Variants in SAMD12 observed in about 807,000 individuals in gnomAD.
SAMD12 encodes the protein sterile alpha motif domain-containing protein 12.
A neutral mutation model predicts 15.0 loss-of-function variants in SAMD12; 9 were observed. That is an observed-to-expected ratio of 0.60 (90% CI 0.36 to 1.05). The LOEUF (loss-of-function observed/expected upper bound fraction) is 1.05, where lower values mean the gene tolerates loss of function less well. SAMD12 is among the 50% of genes least tolerant of loss of function. SAMD12 has a pLI of 0.01. For missense variants in SAMD12, 230 were observed against 234.2 expected (o/e 0.98, Z 0.12); for synonymous variants, 86 against 90.1 (o/e 0.96, Z 0.25).
intron 1 of SAMD12, among the ~76,000 whole-genome samples, chr8:118,597,516 T>A (rs1294522681): frequency 6.6e-6 from 1 of 152,154 alleles, no homozygotes; most frequent in Non-Finnish European, 1.5e-5. Flanking sequence ...GAGAAAAGCA[T>A]CCCAAGCTAG....
intron 4 of SAMD12, among the ~76,000 whole-genome samples, chr8:118,340,588 G>T (rs1358412513): frequency 2.6e-5 from 4 of 152,158 alleles, no homozygotes; most frequent in Non-Finnish European, 5.9e-5. Context: ...GGCCAATATG[G>T]CGAAACCCTG....
chr8:118,153,136 C>T, the SAMD12 span, among the ~76,000 whole-genome samples: 5,840 of 152,242 alleles, frequency 0.038, 363 homozygotes, highest in African/African-American at 0.13. Flanking sequence ...AACAAAACAT[C>T]CCACAACTCA....
At chr8:118,593,814 T>C (rs1200785579) in intron 1 of SAMD12, among the ~76,000 whole-genome samples, 1 of 152,196 alleles carries the variant, frequency 6.6e-6, no homozygotes, top group Non-Finnish European at 1.5e-5. Context: ...TTGTTTGTAA[T>C]GATCTAAGTA....
chr8:118,170,267 A>T, the SAMD12 span, among the ~76,000 whole-genome samples: 2 of 152,170 alleles, frequency 1.3e-5, no homozygotes, highest in East Asian at 3.8e-4. Flanking sequence ...TTCCAGGCCC[A>T]ATATGTATTA....
chr8:118,243,540 A>T (rs2129979017), intron 4 of SAMD12, among the ~76,000 whole-genome samples: 1 of 152,222 alleles, frequency 6.6e-6, no homozygotes, highest in East Asian at 1.9e-4. Flanking sequence ...AAATATTAAC[A>T]GTTGTTATTT....
chr8:118,560,822 TAGAGG>T (rs2131209893), intron 2 of SAMD12, among the ~76,000 whole-genome samples: 2 of 152,080 alleles, frequency 1.3e-5, no homozygotes, highest in East Asian at 1.9e-4. Context: ...GCAAACACAA[TAGAGG>T]AAAGACTGCA....
chr8:118,190,129 G>A (rs1426256080), exon 5 of SAMD12: 1 of 152,090 alleles, frequency 6.6e-6, no homozygotes, highest in African/African-American at 2.4e-5. Flanking sequence ...GTTCTGACAT[G>A]TGCTTTTTAG....
chr8:118,241,319 T>A (rs1812558349), intron 4 of SAMD12, among the ~76,000 whole-genome samples: 1 of 152,136 alleles, frequency 6.6e-6, no homozygotes, highest in Non-Finnish European at 1.5e-5. Context: ...ATAAATTATC[T>A]GTACTCATCA....
chr8:118,239,027 G>A (rs1320666375), intron 4 of SAMD12, among the ~76,000 whole-genome samples: 3 of 152,064 alleles, frequency 2.0e-5, no homozygotes, highest in Non-Finnish European at 4.4e-5. Flanking sequence ...TACCTGAAGT[G>A]GAAAAGAAAT....
chr8:118,516,169 T>G (rs1486162985), intron 2 of SAMD12, among the ~76,000 whole-genome samples: 1 of 152,238 alleles, frequency 6.6e-6, no homozygotes, highest in Non-Finnish European at 1.5e-5. Context: ...TCCTGTTGGA[T>G]CTTTTATTTT....
chr8:118,473,975 T>A (rs1197632872), intron 2 of SAMD12, among the ~76,000 whole-genome samples: 1 of 152,238 alleles, frequency 6.6e-6, no homozygotes, highest in East Asian at 1.9e-4. Context: ...TGTTTGTTTT[T>A]TGAGATGCAG....
chr8:118,222,503 CTTTTTA>C (rs997718511), intron 4 of SAMD12, among the ~76,000 whole-genome samples: 3 of 152,086 alleles, frequency 2.0e-5, no homozygotes, highest in South Asian at 2.1e-4. Flanking sequence ...TGAGGAAGTG[CTTTTTA>C]TTTTTATCTT....
At chr8:118,174,923 G>A in the SAMD12 span, among the ~76,000 whole-genome samples, 2 of 149,882 alleles carry the variant, frequency 1.3e-5, no homozygotes, top group East Asian at 4.0e-4. Flanking sequence ...AAATATCATG[G>A]AATTTTATCT....
intron 2 of SAMD12, among the ~76,000 whole-genome samples, chr8:118,534,711 A>T (rs1252875515): frequency 6.6e-6 from 1 of 152,130 alleles, no homozygotes; most frequent in Non-Finnish European, 1.5e-5. Context: ...AATCACTGAT[A>T]CCCTGTCTTC....
At chr8:118,260,430 G>GATTATTAAATACTATA (rs1586395172) in intron 4 of SAMD12, among the ~76,000 whole-genome samples, 1 of 152,132 alleles carries the variant, frequency 6.6e-6, no homozygotes, top group East Asian at 1.9e-4. Flanking sequence ...TAATTACTAT[G>GATTATTAAATACTATA]GATTATTAAA....
At chr8:118,388,124 T>A (rs1820062657) in intron 3 of SAMD12, among the ~76,000 whole-genome samples, 1 of 152,174 alleles carries the variant, frequency 6.6e-6, no homozygotes, top group Non-Finnish European at 1.5e-5. Flanking sequence ...AGGAAGAGCA[T>A]TCAAGGCACA....
At chr8:118,251,136 GA>G (rs1444724930) in intron 4 of SAMD12, among the ~76,000 whole-genome samples, 1 of 152,146 alleles carries the variant, frequency 6.6e-6, no homozygotes, top group African/African-American at 2.4e-5. Context: ...TGAGAAACAG[GA>G]GGAGTGGTCA....
intron 3 of SAMD12, among the ~76,000 whole-genome samples, chr8:118,431,723 T>C (rs1353978048): frequency 1.3e-5 from 2 of 151,472 alleles, no homozygotes; most frequent in South Asian, 2.1e-4. Context: ...TGTGTGTGTG[T>C]GTGTGTTTGA....
downstream of SAMD12, among the ~76,000 whole-genome samples, chr8:118,376,738 G>C (rs970742012): frequency 6.6e-6 from 1 of 151,982 alleles, no homozygotes; most frequent in Non-Finnish European, 1.5e-5. Flanking sequence ...GAAGCCCAAG[G>C]ATTTCCAAAA....
Sources: allele counts gnomAD v4.1 joint callset (sites outside exome capture counted in the v4.1 genomes callset), GRCh38; gene constraint gnomAD v4.1.1; transcripts MANE v1.5; gene names NCBI Gene and HGNC (gene_info 2026-07-23, HGNC 2026-07-21).